CSMD3: variants seen among roughly 807,000 people sequenced by gnomAD.
CSMD3 encodes the protein CUB and sushi domain-containing protein 3.
Under a neutral mutation model 435.2 loss-of-function variants are expected in CSMD3, and 177 were observed. The ratio of observed to expected loss-of-function variants is 0.41; its 90% CI spans 0.36 to 0.46. The LOEUF is 0.46. Ranked by LOEUF, CSMD3 falls within the 20% of genes least tolerant of loss-of-function variation. CSMD3 has a pLI of 0.34. For missense variants in CSMD3, 4,265 were observed against 4,504.6 expected (o/e 0.95, Z 1.52); for synonymous variants, 1,656 against 1,520.5 (o/e 1.09, Z -2.07).
intron 1 of CSMD3, among the ~76,000 whole-genome samples, chr8:113,339,414 A>T (rs1451780749): frequency 6.6e-6 from 1 of 151,980 alleles, no homozygotes; most frequent in Non-Finnish European, 1.5e-5. Flanking sequence ...TTGAAACATG[A>T]TTTCATGGCT....
intron 14 of CSMD3, among the ~76,000 whole-genome samples, chr8:112,687,023 T>C (rs1055215571): frequency 1.3e-5 from 2 of 152,160 alleles, no homozygotes; most frequent in Non-Finnish European, 2.9e-5. Flanking sequence ...ACACTGACTC[T>C]ATTCTTGAAG....
intron 5 of CSMD3, among the ~76,000 whole-genome samples, chr8:113,085,217 A>AT (rs2089716363): frequency 2.0e-5 from 3 of 150,658 alleles, no homozygotes; most frequent in Admixed American, 6.6e-5. Context: ...TTCAGAATAT[A>AT]CAAAAAATTC....
At chr8:113,407,250 G>A (rs1588674410) in intron 1 of CSMD3, among the ~76,000 whole-genome samples, 1 of 152,056 alleles carries the variant, frequency 6.6e-6, no homozygotes, top group African/African-American at 2.4e-5. Flanking sequence ...TTCCTCAAAG[G>A]TAGGAAATAT....
At chr8:112,405,213 C>CAAAAAAAA (rs1439544983) in intron 35 of CSMD3, among the ~76,000 whole-genome samples, 1 of 17,888 alleles carries the variant, frequency 5.6e-5, no homozygotes, top group African/African-American at 3.1e-4. Flanking sequence ...AAAAAAACCC[C>CAAAAAAAA]CATATATATA....
chr8:112,399,287 G>A (rs1489702176), intron 35 of CSMD3, among the ~76,000 whole-genome samples: 3 of 146,286 alleles, frequency 2.1e-5, no homozygotes, highest in African/African-American at 7.7e-5. Context: ...TTTAGACAGA[G>A]TCTTGCTCTG....
intron 65 of CSMD3, among the ~76,000 whole-genome samples, chr8:112,243,196 A>G (rs1814335178): frequency 2.0e-5 from 3 of 151,972 alleles, no homozygotes; most frequent in African/African-American, 7.2e-5. Flanking sequence ...CAAACAAACC[A>G]AAGAATAAGA....
chr8:113,098,991 G>C (rs754719197), intron 4 of CSMD3, 28 bp from the exon 5 acceptor site: 2 of 1,400,918 alleles, frequency 1.4e-6, no homozygotes, highest in East Asian at 2.3e-5. Context: ...ATATTCAGTT[G>C]TAAGTTATTG....
chr8:112,321,436 G>T (rs1363311922), intron 45 of CSMD3, among the ~76,000 whole-genome samples: 1 of 152,124 alleles, frequency 6.6e-6, no homozygotes, highest in Non-Finnish European at 1.5e-5. Flanking sequence ...AGATATACTT[G>T]AAAGAAGGAG....
intron 10 of CSMD3, among the ~76,000 whole-genome samples, chr8:112,886,836 A>T (rs1564067531): frequency 6.6e-6 from 1 of 151,604 alleles, no homozygotes. Context: ...TTATATAATG[A>T]CTGATACAAT....
rs371271590 is a variant in CSMD3 at position 112,337,747 on chromosome 8, A to C, written c.6653-16T>G. 6.2e-7 allele frequency: 1 copy of C among 1,600,932 alleles called. No individual in the cohort carries two copies. The highest frequency in any genetic ancestry group is 8.5e-7 in the Non-Finnish European group (1 of 1,171,420). Reference sequence around the variant, plus strand: ...AACTGATAGGCTGGAAAGAGGAAAAAGAAAGACATTTTTTCTTTCCAAATT... The same window carrying C: ...AACTGATAGGCTGGAAAGAGGAAAACGAAAGACATTTTTTCTTTCCAAATT... On this transcript the variant is annotated splice_polypyrimidine_tract_variant and intron_variant, in intron 42 of 70. Coordinates refer to ENST00000297405, the MANE Select transcript of CSMD3 (RefSeq NM_198123.2).
chr8:112,637,534 T>C (rs2131584332), intron 21 of CSMD3, among the ~76,000 whole-genome samples: 1 of 152,240 alleles, frequency 6.6e-6, no homozygotes, highest in East Asian at 1.9e-4. Context: ...TGACCACACA[T>C]TGAAAACTAT....
At chr8:112,561,665 TTC>T (rs1759212296) in intron 24 of CSMD3, among the ~76,000 whole-genome samples, 1 of 151,632 alleles carries the variant, frequency 6.6e-6, no homozygotes, top group South Asian at 2.1e-4. Flanking sequence ...TCCCCAGTCT[TTC>T]TCTGTTTCTT....
chr8:113,411,383 C>A (rs911845569), intron 1 of CSMD3, among the ~76,000 whole-genome samples: 44 of 152,140 alleles, frequency 2.9e-4, no homozygotes, highest in African/African-American at 1.1e-3. Context: ...GCTGCAAATT[C>A]TTTTCTGACT....
rs113240412 is a variant in CSMD3, at chr8:113,239,498, T to TTATCTATCTATCTATC, written c.514+39078_514+39093dup. Among the ~76,000 whole-genome samples, 591 of 149,108 alleles carry TTATCTATCTATCTATC rather than the reference T, an allele frequency of 4.0e-3. 2 individuals are homozygous for TTATCTATCTATCTATC. Among genetic ancestry groups the TTATCTATCTATCTATC allele is most frequent in the East Asian group, 4.7e-3 (23 of 4,900 alleles). ...TAAATTATATATGCAGTATGTAGTT[T>TTATCTATCTATCTATC]TATCTATCTATCTATCTATCTATCT... is the stretch of plus-strand genomic sequence containing the variant. On this transcript the variant is annotated intron_variant, in intron 3 of 70. Transcript: ENST00000297405.
chr8:113,328,730 C>CTTCTTTT (rs2094003367), intron 1 of CSMD3, among the ~76,000 whole-genome samples: 1 of 64,030 alleles, frequency 1.6e-5, no homozygotes, highest in African/African-American at 7.7e-5. Flanking sequence ...TTCCTTCCTT[C>CTTCTTTT]TTTTCTTTTT....
chr8:112,496,542 T>A (rs1432830009), intron 30 of CSMD3, among the ~76,000 whole-genome samples: 1 of 152,082 alleles, frequency 6.6e-6, no homozygotes, highest in African/African-American at 2.4e-5. Context: ...TAGTCAAGAT[T>A]TGGAAGCAAC....
chr8:113,071,935 A>G (rs1026264711), intron 5 of CSMD3, among the ~76,000 whole-genome samples: 12 of 151,836 alleles, frequency 7.9e-5, no homozygotes, highest in African/African-American at 2.7e-4. Flanking sequence ...TGCTGTTTCA[A>G]TTCATGAACT....
intron 28 of CSMD3, among the ~76,000 whole-genome samples, chr8:112,508,884 G>A (rs1377720612): frequency 6.6e-6 from 1 of 151,898 alleles, no homozygotes; most frequent in Non-Finnish European, 1.5e-5. Flanking sequence ...ATGTACCTAT[G>A]GGACAGATTA....
rs146356080 is a variant in CSMD3 at position 112,858,388 on chromosome 8, G to A, written c.1755+757C>T. Among the ~76,000 whole-genome samples, 1,171 of 151,754 alleles carry A rather than the reference G, an allele frequency of 7.7e-3. 14 individuals carry two copies. The highest frequency in any genetic ancestry group is 0.027 in the African/African-American group (1,115 of 41,480). On this transcript the variant is annotated intron_variant, in intron 11 of 70. Coordinates refer to ENST00000297405, the MANE Select transcript of CSMD3 (RefSeq NM_198123.2). ...GAAACACAATCTGAACCAATTTCATGAGCTCGACCACCAAACTTTAAAATC... is the reference window on the plus strand; with the variant it reads ...GAAACACAATCTGAACCAATTTCATAAGCTCGACCACCAAACTTTAAAATC...
Sources: allele counts gnomAD v4.1 joint callset (sites outside exome capture counted in the v4.1 genomes callset), GRCh38; gene constraint gnomAD v4.1.1; transcripts MANE v1.5; gene names NCBI Gene and HGNC (gene_info 2026-07-23, HGNC 2026-07-21).